The following TSPOAP1 variants were observed in gnomAD, a reference collection of about 807,000 sequenced individuals.
The protein encoded by TSPOAP1 is peripheral-type benzodiazepine receptor-associated protein 1.
In TSPOAP1, 87 loss-of-function variants were observed where a neutral mutation model predicts 197.0. The observed-to-expected ratio is 0.44, with a 90% CI of 0.37 to 0.53. The LOEUF (loss-of-function observed/expected upper bound fraction) is 0.53, where lower values mean the gene tolerates loss of function less well. Among genes scored for constraint, TSPOAP1 ranks in the 20% least tolerant of loss-of-function variants. TSPOAP1 has a pLI of 0.00. For missense variants in TSPOAP1, 2,174 were observed against 2,411.3 expected, an observed-to-expected ratio of 0.90 and a Z score of 2.06; for synonymous variants, 913 against 998.9, an observed-to-expected ratio of 0.91 and a Z score of 1.62.
At position 58,304,330 on chromosome 17, in the gene TSPOAP1, C is replaced by T; in HGVS notation, c.*32+8G>A. ...GACGGTCACACAGGGGGGCAGTCCC[C>T]CACTTACATGTTGCTCTCTCTACAT... is the stretch of plus-strand genomic sequence containing the variant. On this transcript the variant is annotated splice_region_variant and intron_variant, in intron 31 of 31. Coordinates refer to ENST00000343736, the MANE Select transcript of TSPOAP1 (RefSeq NM_004758.4). The surrounding 1 kb of genome is among the most constrained non-coding windows in gnomAD (Gnocchi z 4.2). 1 of 1,612,296 alleles carries T rather than the reference C, an allele frequency of 6.2e-7. No homozygotes were observed. The highest frequency in any genetic ancestry group is 8.5e-7 in the Non-Finnish European group (1 of 1,178,520).
Position 58,306,920 on chromosome 17 carries a change from C to T in TSPOAP1, c.5032G>A (p.Gly1678Ser), listed in dbSNP as rs1970915098. The T allele has an allele frequency of 1.2e-6, 2 of 1,613,408 alleles. No homozygotes were observed. Among genetic ancestry groups the T allele is most frequent in the Non-Finnish European group, 1.7e-6 (2 of 1,180,012 alleles). ...ADGFYQGEGGGRTGYIPCNMV... is the reference protein window; with the variant it reads ...ADGFYQGEGGSRTGYIPCNMV... The stretch of plus-strand genomic sequence containing the variant: ...TTGCAGGGAATGTAGCCTGTCCGGC[C>T]CCCACCTTCGCCCTGGTAGAAGCCA... The change falls in exon 25 of 32, where the codon GGC (glycine) becomes AGC (serine). Residue 1678 changes from glycine to serine, a missense_variant. By Grantham distance (56) the Gly-to-Ser change is moderately conservative. This residue lies in a region of TSPOAP1 where 161 missense variants were observed against 159.1 expected (regional missense o/e 1.01). Coordinates refer to ENST00000343736, the MANE Select transcript of TSPOAP1 (RefSeq NM_004758.4).
At chr17:58,323,427 G>C in intron 6 of TSPOAP1, 41 bp downstream of exon 6, 1 of 1,614,190 alleles carries the variant, frequency 6.2e-7, no homozygotes, top group South Asian at 1.1e-5. Flanking sequence ...AGGTACATCT[G>C]CCCACAGCAG....
In TSPOAP1 at chr17:58,305,072, C is replaced by A. The variant is rs573547867; in HGVS notation, c.5533G>T (p.Ala1845Ser). 6 of 1,613,848 alleles carry A rather than the reference C, an allele frequency of 3.7e-6. No individual in the cohort carries two copies. The East Asian group carries it at 1.3e-4, about 36-fold the overall frequency. Residue 1845 changes from alanine (A) to serine (S), a missense_variant, in exon 30 of 32, where the codon GCT (alanine) becomes TCT (serine). Physicochemically the swap from Ala to Ser is moderately conservative, Grantham distance 99. Transcript: ENST00000343736. ...AGCTCCTCACTGACCTGACTCTCAG[C>A]CTGGGGTGTCCTGGGTTCCCTGTCC... ...GLDREPRTPQ[A>S]ESQRTRRRRV... is the part of the protein sequence containing the mutation.
At position 58,325,107 on chromosome 17, in the gene TSPOAP1, G is replaced by GC. The variant is rs144122586; in HGVS notation, c.751-106dup. On this transcript the variant is annotated intron_variant, in intron 4 of 31. Coordinates refer to ENST00000343736, the MANE Select transcript of TSPOAP1 (RefSeq NM_004758.4). ...CGCCTTGCTGGAGGGGCTCCGATGC[G>GC]CGAGACTGTGCACACCCTCCCATGG... 4.9e-3 allele frequency: 4,952 copies of GC among 1,003,952 alleles called. 150 individuals are homozygous for GC. In the African/African-American group the frequency reaches 0.069, roughly 14 times the overall value. The allele number at this position is 1,003,952 out of a possible 1,614,324, so 62.2% of individuals were successfully genotyped here.
In TSPOAP1 at chr17:58,311,415, A is replaced by T. The variant is rs181414037; in HGVS notation, c.3081+156T>A. The T allele has an allele frequency of 6.9e-5, 87 of 1,265,350 alleles. No individual in the cohort carries two copies. The East Asian group carries it at 2.0e-3, about 29-fold the overall frequency. 78.4% of individuals were successfully genotyped at this position (1,265,350 alleles called of 1,614,324 possible). ...TGATGGAACAGTTCTAAAATCTGTCATGTGCTGCCAAAGCCCATGCTCTTA... is the reference window on the plus strand; with the variant it reads ...TGATGGAACAGTTCTAAAATCTGTCTTGTGCTGCCAAAGCCCATGCTCTTA... On this transcript the variant is annotated intron_variant, in intron 18 of 31. Transcript: ENST00000343736.
At position 58,305,152 on chromosome 17, in the gene TSPOAP1, C is replaced by T; in HGVS notation, c.5453G>A (p.Arg1818Lys). The T allele has an allele frequency of 6.2e-7, 1 of 1,613,738 alleles. No individual in the cohort carries two copies. Among genetic ancestry groups the T allele is most frequent in the Non-Finnish European group, 8.5e-7 (1 of 1,179,736 alleles). Residue 1818 changes from arginine (R) to lysine (K), a missense_variant, in exon 30 of 32, where the codon AGG becomes AAG. Coordinates refer to ENST00000343736, the MANE Select transcript of TSPOAP1 (RefSeq NM_004758.4). ...CAGGAAGTTGGATGGAACCAGGCCC[C>T]TTTGTCCATTTAATTCCCCCTGGAG... ...GFYYGELNGQ[R>K]GLVPSNFLEG...
chr17:58,324,855 G>T lies in TSPOAP1; in HGVS notation c.898C>A (p.Leu300Ile). The change falls in exon 5 of 32, where the codon CTC becomes ATC. Residue 300 changes from leucine to isoleucine, a missense_variant. Around this residue, in one of 5 missense-constraint regions of TSPOAP1, gnomAD observed 1,933 missense variants for 2,139.0 expected, o/e 0.90. Coordinates refer to ENST00000343736, the MANE Select transcript of TSPOAP1 (RefSeq NM_004758.4). The surrounding 1 kb of genome is among the most constrained non-coding windows in gnomAD (Gnocchi z 5.8). ...GCAGGCGCCCCTGCTCTGGCCTGGA[G>T]AGCAGGGCCCGGGGGCCAGGACGGC... Reference protein sequence around the residue: ...LPPSWPPGPALQARAGAPAPG... With the variant: ...LPPSWPPGPAIQARAGAPAPG... 1 of 1,527,948 alleles carries T rather than the reference G, an allele frequency of 6.5e-7. No homozygotes were observed. The highest frequency in any genetic ancestry group is 8.8e-7 in the Non-Finnish European group (1 of 1,142,148). The allele number at this position is 1,527,948 out of a possible 1,614,324, so 94.6% of individuals were successfully genotyped here.
intron 18 of TSPOAP1, 101 bp downstream of exon 18, chr17:58,311,470 A>C: frequency 6.8e-7 from 1 of 1,475,496 alleles, no homozygotes; most frequent in Non-Finnish European, 9.1e-7. Flanking sequence ...CCCAAATGCC[A>C]GGGGCTGGGC....
intron 14 of TSPOAP1, 121 bp from the exon 15 acceptor site, chr17:58,316,661 T>A: frequency 1.4e-6 from 1 of 696,580 alleles, no homozygotes; most frequent in Middle Eastern, 2.5e-4. Context: ...AGCACATACA[T>A]GCTGCACAGG....
At position 58,304,686 on chromosome 17, in the gene TSPOAP1, C is replaced by T; in HGVS notation, c.5545-287G>A. 1 of 572,408 alleles carries T rather than the reference C, an allele frequency of 1.7e-6. No individual in the cohort carries two copies. Among genetic ancestry groups the T allele is most frequent in the Non-Finnish European group, 3.1e-6 (1 of 318,918 alleles). The allele number at this position is 572,408 out of a possible 1,614,324, so 35.5% of individuals were successfully genotyped here. A position where few individuals can be genotyped will look rare whatever the true frequency, so the allele number is the denominator to read the frequency against. On this transcript the variant is annotated intron_variant, in intron 30 of 31. Transcript: ENST00000343736. This position sits in a 1 kb window ranked among gnomAD's most constrained non-coding sequence, Gnocchi z 4.2. ...CTGGGCAACTGGCTTCCAAAGGCACCTGGGAGGTATGGAGACCACCCCCAG... is the reference window on the plus strand; with the variant it reads ...CTGGGCAACTGGCTTCCAAAGGCACTTGGGAGGTATGGAGACCACCCCCAG...
chr17:58,310,218 A>G, intron 20 of TSPOAP1, 60 bp from the exon 21 acceptor site: 18 of 1,526,714 alleles, frequency 1.2e-5, no homozygotes, highest in Non-Finnish European at 1.5e-5. Flanking sequence ...AGGGGGTTCC[A>G]GGCAGGGTCA....
Position 58,311,231 on chromosome 17 carries a change from C to T in TSPOAP1, c.3082-18G>A. ...TCCATGATCTGCAGGGTGGAGGGGG[C>T]ACAGGATGGGAAGCAGAGGCTGAGA... On this transcript the variant is annotated intron_variant, in intron 18 of 31. Coordinates refer to ENST00000343736, the MANE Select transcript of TSPOAP1 (RefSeq NM_004758.4). 3.1e-6 allele frequency: 5 copies of T among 1,607,746 alleles called. No homozygotes were observed. Among genetic ancestry groups the T allele is most frequent in the Non-Finnish European group, 2.5e-6 (3 of 1,178,922 alleles).
At chr17:58,318,526 G>A in intron 13 of TSPOAP1, 74 bp from the exon 14 acceptor site, 1 of 1,438,984 alleles carries the variant, frequency 6.9e-7, no homozygotes, top group Non-Finnish European at 9.4e-7. Flanking sequence ...GGTGCTTCTT[G>A]GATATGGGGA....
At chr17:58,310,229 GCCCCAGCCA>G in intron 20 of TSPOAP1, 71 bp from the exon 21 acceptor site, 2 of 1,470,430 alleles carry the variant, frequency 1.4e-6, no homozygotes, top group Non-Finnish European at 1.8e-6. Context: ...GGCAGGGTCA[GCCCCAGCCA>G]CAGTAACAAG....
intron 24 of TSPOAP1, 22 bp downstream of exon 24, chr17:58,307,589 G>A (rs749999347): frequency 3.1e-6 from 5 of 1,610,630 alleles, no homozygotes; most frequent in Non-Finnish European, 2.5e-6. Context: ...GGAATTCTGA[G>A]CCCTGATGGC....
chr17:58,307,591 C>T lies in TSPOAP1; in HGVS notation c.4983+20G>A, dbSNP rs780108356. The T allele has an allele frequency of 6.2e-7, 1 of 1,611,336 alleles. No homozygotes were observed. Among genetic ancestry groups the T allele is most frequent in the Non-Finnish European group, 8.5e-7 (1 of 1,178,586 alleles). On this transcript the variant is annotated intron_variant, in intron 24 of 31. Coordinates refer to ENST00000343736, the MANE Select transcript of TSPOAP1 (RefSeq NM_004758.4). The stretch of plus-strand genomic sequence containing the variant: ...CCAGCTGGTGTTTGGAATTCTGAGC[C>T]CTGATGGCGAATCAGTCACCTTCAG...
Position 58,312,625 on chromosome 17 carries a change from G to C in TSPOAP1, c.2196C>G (p.Ala732=), listed in dbSNP as rs760901540. ...CAGGGCCTGAGCTGTGGGACAAATC[G>C]GCCAGCTCTGGAGGGAGGGAGGTCA... is the stretch of plus-strand genomic sequence containing the variant. ...DLLTSLPPEL[A]DLSHSSGPEL... is the part of the protein sequence containing the mutation. The change falls in exon 17 of 32, where the codon GCC becomes GCG. Residue 732 remains alanine (A), a synonymous_variant. Coordinates refer to ENST00000343736, the MANE Select transcript of TSPOAP1 (RefSeq NM_004758.4). The C allele has an allele frequency of 1.9e-6, 3 of 1,613,822 alleles. No individual in the cohort carries two copies. Among genetic ancestry groups the C allele is most frequent in the Non-Finnish European group, 2.5e-6 (3 of 1,180,010 alleles).
chr17:58,325,643 G>T lies in TSPOAP1; in HGVS notation c.641C>A (p.Ala214Asp), dbSNP rs761995389. The change falls in exon 4 of 32, where the codon GCC (alanine) becomes GAC (aspartate). Residue 214 changes from alanine (A) to aspartate (D), a missense_variant. Coordinates refer to ENST00000343736, the MANE Select transcript of TSPOAP1 (RefSeq NM_004758.4). Reference sequence around the variant, plus strand: ...ACTGGCTGTCTCACTGAGGTCCCGGGCTCGCTGGCGGGCTAGGGCCTTCCG... The same window carrying T: ...ACTGGCTGTCTCACTGAGGTCCCGGTCTCGCTGGCGGGCTAGGGCCTTCCG... ...LCRKALARQR[A>D]RDLSETASAL... is the part of the protein sequence containing the mutation. The T allele has an allele frequency of 1.2e-6, 2 of 1,613,424 alleles. No individual in the cohort carries two copies. Among genetic ancestry groups the T allele is most frequent in the African/African-American group, 2.7e-5 (2 of 75,060 alleles).
chr17:58,327,547 AC>A, intron 1 of TSPOAP1, 40 bp downstream of exon 1: 2 of 1,572,198 alleles, frequency 1.3e-6, no homozygotes, highest in Admixed American at 1.7e-5. Flanking sequence ...ATGGTGAGAG[AC>A]CCCCACCTTG....
Sources: gnomAD v4.1 joint callset for allele counts on GRCh38, gnomAD v4.1.1 for gene constraint, gnomAD v4.1.1 regional missense constraint, Gnocchi (gnomAD v3.1) non-coding constraint, MANE v1.5 for transcripts, NCBI Gene and HGNC (gene_info 2026-07-23, HGNC 2026-07-21) for gene names.